Variants in ABCA12 observed in about 807,000 individuals in gnomAD.
ABCA12 encodes the protein ATP binding cassette subfamily A member 12.
In ABCA12, 156 loss-of-function variants were observed where a neutral mutation model predicts 293.5. The observed-to-expected ratio is 0.53, with a 90% CI of 0.47 to 0.61. ABCA12 has a LOEUF of 0.61. Ranked by LOEUF, ABCA12 falls within the 20% of genes least tolerant of loss-of-function variation. The probability of loss-of-function intolerance (pLI) is 0.00; values close to 1 mark genes in which losing one functional copy is unlikely to be tolerated. For synonymous variants in ABCA12, 1,063 were observed against 1,108.0 expected (o/e 0.96, Z 0.81); for missense variants, 2,797 against 3,090.2 (o/e 0.91, Z 2.25).
At chr2:214,951,708 G>A (rs974587845) in intron 44 of ABCA12, among the ~76,000 whole-genome samples, 16 of 152,168 alleles carry the variant, frequency 1.1e-4, no homozygotes, top group African/African-American at 3.4e-4. Flanking sequence ...AGTGAGCCAA[G>A]ATCACGCTAC....
intron 4 of ABCA12, among the ~76,000 whole-genome samples, 170 bp from the exon 5 acceptor site, chr2:215,052,754 T>G (rs773057763): frequency 5.3e-5 from 8 of 152,160 alleles, no homozygotes; most frequent in Non-Finnish European, 1.2e-4. Flanking sequence ...GCAAATTCCA[T>G]GAGTTTTTCT....
intron 19 of ABCA12, among the ~76,000 whole-genome samples, chr2:215,005,815 C>G (rs891348783): frequency 2.6e-5 from 4 of 152,154 alleles, no homozygotes; most frequent in Non-Finnish European, 5.9e-5. Flanking sequence ...AGCAAAATTG[C>G]GTTTGTATCA....
rs1699895093 is a variant in ABCA12 at position 214,990,819 on chromosome 2, G to A, written c.3507C>T (p.Phe1169=). Residue 1169 remains phenylalanine (F), a synonymous_variant, in exon 24 of 53, where the codon TTC becomes TTT. Coordinates refer to ENST00000272895, the MANE Select transcript of ABCA12 (RefSeq NM_173076.3). ...TCAGAGCTGCAATGTTGGTGTTGTT[G>A]AAGAAGACACTGATAAGATAGCTCA... is the stretch of plus-strand genomic sequence containing the variant. ...IAMSYLISVF[F]NNTNIAALIG... is the part of the protein sequence containing the mutation. 19 of 1,613,984 alleles carry A rather than the reference G, an allele frequency of 1.2e-5. No individual in the cohort carries two copies. Among genetic ancestry groups the A allele is most frequent in the East Asian group, 2.2e-5 (1 of 44,882 alleles).
chr2:215,070,140 T>C (rs1471232025), intron 2 of ABCA12, among the ~76,000 whole-genome samples: 3 of 129,790 alleles, frequency 2.3e-5, no homozygotes, highest in African/African-American at 6.0e-5. Flanking sequence ...AATAGACAGA[T>C]TTAAATGATT....
At chr2:215,038,531 G>A (rs1329894456) in intron 7 of ABCA12, among the ~76,000 whole-genome samples, 1 of 152,180 alleles carries the variant, frequency 6.6e-6, no homozygotes, top group South Asian at 2.1e-4. Context: ...ACAGAGGCAT[G>A]GCTGTATTTT....
At chr2:214,945,769 T>C (rs1363509362) in intron 48 of ABCA12, among the ~76,000 whole-genome samples, 1 of 152,058 alleles carries the variant, frequency 6.6e-6, no homozygotes, top group African/African-American at 2.4e-5. Context: ...TAGGTAAAAA[T>C]TTAAAAAATA....
chr2:215,019,165 T>C (rs768424455), intron 13 of ABCA12, among the ~76,000 whole-genome samples, 171 bp downstream of exon 13: 13 of 152,252 alleles, frequency 8.5e-5, no homozygotes, highest in Non-Finnish European at 1.9e-4. Flanking sequence ...TAGCTTTCTG[T>C]GTGTTTACTT....
At chr2:214,957,883 G>T (rs535387650) in intron 41 of ABCA12, among the ~76,000 whole-genome samples, 1 of 152,272 alleles carries the variant, frequency 6.6e-6, no homozygotes, top group South Asian at 2.1e-4. Context: ...GCACAATTAC[G>T]TAAGGATATT....
At chr2:215,048,964 G>A (rs1463181077) in intron 6 of ABCA12, among the ~76,000 whole-genome samples, 1 of 152,134 alleles carries the variant, frequency 6.6e-6, no homozygotes, top group Non-Finnish European at 1.5e-5. Context: ...AGAACACGTG[G>A]ACACAAAGAG....
intron 28 of ABCA12, among the ~76,000 whole-genome samples, chr2:214,985,837 A>G (rs139078129): frequency 1.3e-3 from 192 of 152,352 alleles, no homozygotes; most frequent in African/African-American, 4.4e-3. Flanking sequence ...CTAAGTGAAT[A>G]TGGAGCATTG....
chr2:214,983,950 G>C, intron 28 of ABCA12, 85 bp from the exon 29 acceptor site: 1 of 1,125,834 alleles, frequency 8.9e-7, no homozygotes, highest in Non-Finnish European at 1.3e-6. Flanking sequence ...TTGTTAGAAG[G>C]AAAAAATACA....
At chr2:214,991,160 A>G (rs1170667084) in intron 23 of ABCA12, 129 bp from the exon 24 acceptor site, 7 of 852,846 alleles carry the variant, frequency 8.2e-6, no homozygotes, top group Admixed American at 2.1e-5. Context: ...AATAATTTAC[A>G]TAAATCAAGA....
At chr2:215,014,578 C>T (rs552082635) in intron 15 of ABCA12, among the ~76,000 whole-genome samples, 77 of 152,252 alleles carry the variant, frequency 5.1e-4, no homozygotes, top group Admixed American at 8.5e-4. Flanking sequence ...TATAATGAGA[C>T]TTTAAGTTTT....
Position 214,937,627 on chromosome 2 carries a change from A to G in ABCA12, c.7437-12T>C, listed in dbSNP as rs1698262577. 1.2e-6 allele frequency: 2 copies of G among 1,603,914 alleles called. No homozygotes were observed. The highest frequency in any genetic ancestry group is 8.5e-7 in the Non-Finnish European group (1 of 1,170,980). On this transcript the variant is annotated splice_polypyrimidine_tract_variant and intron_variant, in intron 50 of 52. Coordinates refer to ENST00000272895, the MANE Select transcript of ABCA12 (RefSeq NM_173076.3). ...ATCCTCGTCCAAACCTAGAAAGAAA[A>G]AGTGCAAAATATGATATGAATTACA...
chr2:214,986,370 A>G (rs1321336011), intron 28 of ABCA12, among the ~76,000 whole-genome samples, 172 bp downstream of exon 28: 1 of 152,220 alleles, frequency 6.6e-6, no homozygotes, highest in Non-Finnish European at 1.5e-5. Context: ...TTTTTAAAGT[A>G]TTACAACCTT....
At position 214,969,581 on chromosome 2, in the gene ABCA12, T is replaced by C. The variant is rs185758900; in HGVS notation, c.5690+692A>G. On this transcript the variant is annotated intron_variant, in intron 37 of 52. Coordinates refer to ENST00000272895, the MANE Select transcript of ABCA12 (RefSeq NM_173076.3). ...AGTTGGTTTATAATAAAACCCATTT[T>C]GTTAAAAATATTTACATGTATATCT... Among the ~76,000 whole-genome samples the C allele has an allele frequency of 7.9e-5, 12 of 152,262 alleles. No homozygotes were observed. In the East Asian group the frequency reaches 2.1e-3, roughly 27 times the overall value.
intron 17 of ABCA12, 28 bp downstream of exon 17, chr2:215,011,411 T>G: frequency 6.5e-7 from 1 of 1,527,060 alleles, no homozygotes; most frequent in Non-Finnish European, 9.1e-7. Context: ...TAAGGGCAAC[T>G]GTCATGCTTA....
chr2:215,004,129 G>A (rs1010261769), intron 20 of ABCA12, 80 bp downstream of exon 20: 4 of 1,262,174 alleles, frequency 3.2e-6, no homozygotes, highest in Non-Finnish European at 4.6e-6. Flanking sequence ...GAAAAGGGGG[G>A]AAAATGTAAT....
At chr2:215,129,415 A>T (rs1031122049) in intron 1 of ABCA12, among the ~76,000 whole-genome samples, 8 of 152,172 alleles carry the variant, frequency 5.3e-5, no homozygotes, top group African/African-American at 1.9e-4. Flanking sequence ...TTTAAGTAAC[A>T]GCCATTCTGA....
Sources: gnomAD v4.1 joint callset for allele counts (sites outside exome capture counted in the v4.1 genomes callset) on GRCh38, gnomAD v4.1.1 for gene constraint, MANE v1.5 for transcripts, NCBI Gene and HGNC (gene_info 2026-07-23, HGNC 2026-07-21) for gene names.